Variants in PPARG observed in about 807,000 individuals in gnomAD.
The protein encoded by PPARG is peroxisome proliferator-activated receptor gamma.
PPARG carries 17 observed loss-of-function variants against 39.2 expected under a neutral mutation model. The observed-to-expected ratio is 0.43, with a 90% CI of 0.30 to 0.65. PPARG has a LOEUF of 0.65. Among genes scored for constraint, PPARG ranks in the 30% least tolerant of loss-of-function variants. PPARG has a pLI of 0.13. For missense variants in PPARG, 406 were observed against 585.9 expected (o/e 0.69, Z 3.17); for synonymous variants, 223 against 215.7 (o/e 1.03, Z -0.30).
intron 1 of PPARG, among the ~76,000 whole-genome samples, chr3:12,311,969 T>C (rs1677470572): frequency 6.6e-6 from 1 of 152,244 alleles, no homozygotes. Flanking sequence ...TCTCAAACAT[T>C]AACTTTCAGG....
Position 12,374,594 on chromosome 3 carries a change from A to G in PPARG, c.-8-5110A>G, listed in dbSNP as rs1020569475. ...AGCCTGGGTGACAGAGCGAGACTCC[A>G]CCAAAAACAAAAACAAAACAAAACA... is the stretch of plus-strand genomic sequence containing the variant. On this transcript the variant is annotated intron_variant, in intron 2 of 7. Transcript: ENST00000651735. Among the ~76,000 whole-genome samples, 6 of 152,230 alleles carry G rather than the reference A, an allele frequency of 3.9e-5. No individual in the cohort carries two copies. In the East Asian group the frequency reaches 9.7e-4, roughly 25 times the overall value.
chr3:12,290,576 C>T (rs2046624415), intron 1 of PPARG, among the ~76,000 whole-genome samples: 1 of 151,958 alleles, frequency 6.6e-6, no homozygotes, highest in African/African-American at 2.4e-5. Context: ...ATTCCTATGA[C>T]ATTTAAAATG....
intron 2 of PPARG, among the ~76,000 whole-genome samples, chr3:12,338,646 TG>T (rs1049751284): frequency 1.3e-5 from 2 of 152,340 alleles, no homozygotes; most frequent in Admixed American, 1.3e-4. Context: ...CATATACTTT[TG>T]GGGATTCAAC....
chr3:12,306,771 C>T (rs1328740584), intron 1 of PPARG, among the ~76,000 whole-genome samples: 2 of 152,172 alleles, frequency 1.3e-5, no homozygotes, highest in South Asian at 2.1e-4. Flanking sequence ...ATCACCAAAT[C>T]TTTATATTTA....
At chr3:12,306,881 G>A (rs936985657) in intron 1 of PPARG, among the ~76,000 whole-genome samples, 5 of 152,044 alleles carry the variant, frequency 3.3e-5, no homozygotes, top group East Asian at 1.9e-4. Context: ...GGTGGATCAC[G>A]AGGTCAGGAG....
chr3:12,316,626 G>A (rs1368179317), intron 2 of PPARG, among the ~76,000 whole-genome samples: 1 of 151,530 alleles, frequency 6.6e-6, no homozygotes. Context: ...AAAAAAAAAA[G>A]TAACAAGTCT....
At chr3:12,384,047 T>C (rs1276967606) in intron 4 of PPARG, among the ~76,000 whole-genome samples, 1 of 152,094 alleles carries the variant, frequency 6.6e-6, no homozygotes, top group East Asian at 1.9e-4. Flanking sequence ...CCATCCAAAA[T>C]GTGGATTCCA....
rs77689391 is a variant in PPARG, at chr3:12,412,820, A to G, written c.730-3884A>G. Among the ~76,000 whole-genome samples the G allele has an allele frequency of 2.0e-3, 297 of 152,292 alleles. 1 individual carries two copies. Among genetic ancestry groups the G allele is most frequent in the African/African-American group, 6.6e-3 (274 of 41,564 alleles). ...ATATTTTATGCCCCACAAAACCTGAATTCACCCCATCATGTCCCATTTGTA... is the reference window on the plus strand; with the variant it reads ...ATATTTTATGCCCCACAAAACCTGAGTTCACCCCATCATGTCCCATTTGTA... On this transcript the variant is annotated intron_variant, in intron 6 of 7. Transcript: ENST00000651735.
At chr3:12,347,662 A>T (rs2048366684) in intron 2 of PPARG, among the ~76,000 whole-genome samples, 1 of 152,210 alleles carries the variant, frequency 6.6e-6, no homozygotes, top group Admixed American at 6.5e-5. Context: ...GTTAGCAATT[A>T]TCTGGCTTCC....
chr3:12,414,880 C>T (rs1173360813), intron 6 of PPARG, among the ~76,000 whole-genome samples: 6 of 152,076 alleles, frequency 3.9e-5, no homozygotes, highest in Admixed American at 6.6e-5. Context: ...TTTTTGGTAA[C>T]AAAAGTAAAA....
chr3:12,397,883 C>T (rs913878537), intron 5 of PPARG, among the ~76,000 whole-genome samples: 5 of 152,072 alleles, frequency 3.3e-5, no homozygotes, highest in African/African-American at 1.2e-4. Context: ...TGGAGCCCAC[C>T]TCCTCTCCCC....
Position 12,433,948 on chromosome 3 carries a change from C to T in PPARG, c.1231C>T (p.Leu411=). Residue 411 remains leucine (L), a synonymous_variant, in exon 8 of 8, where the codon CTG becomes TTG. Transcript: ENST00000651735. The stretch of plus-strand genomic sequence containing the variant: ...GCCCATTGAAGACATTCAAGACAAC[C>T]TGCTACAAGCCCTGGAGCTCCAGCT... The part of the protein sequence containing the change: ...VKPIEDIQDN[L]LQALELQLKL... 6.2e-7 allele frequency: 1 copy of T among 1,614,240 alleles called. No individual in the cohort carries two copies. Among genetic ancestry groups the T allele is most frequent in the African/African-American group, 1.3e-5 (1 of 75,062 alleles).
intron 5 of PPARG, among the ~76,000 whole-genome samples, chr3:12,396,726 C>G (rs1156810149): frequency 1.3e-5 from 2 of 148,826 alleles, no homozygotes; most frequent in Non-Finnish European, 3.0e-5. Context: ...CCACTGCACT[C>G]CAGTCTGGGT....
chr3:12,394,317 G>A (rs889263608), intron 5 of PPARG, among the ~76,000 whole-genome samples: 4 of 152,170 alleles, frequency 2.6e-5, no homozygotes, highest in East Asian at 1.9e-4. Flanking sequence ...TACAGGCAGT[G>A]CATACATTGA....
intron 1 of PPARG, among the ~76,000 whole-genome samples, chr3:12,296,383 A>G (rs762323693): frequency 7.9e-5 from 12 of 151,828 alleles, no homozygotes; most frequent in Non-Finnish European, 1.8e-4. Context: ...ACCTCATCCC[A>G]GACCTGTGGT....
intron 5 of PPARG, among the ~76,000 whole-genome samples, chr3:12,405,628 C>T (rs571962181): frequency 4.6e-5 from 7 of 152,278 alleles, no homozygotes; most frequent in Admixed American, 2.0e-4. Context: ...TTGCTAAACT[C>T]GAATTCTTTC....
At chr3:12,330,158 G>C (rs554955305) in intron 2 of PPARG, among the ~76,000 whole-genome samples, 140 of 152,024 alleles carry the variant, frequency 9.2e-4, no homozygotes, top group Non-Finnish European at 1.9e-3. Flanking sequence ...ATATACCCAG[G>C]AGTGAAATGC....
At chr3:12,428,990 GT>G (rs2051555610) in intron 7 of PPARG, among the ~76,000 whole-genome samples, 1 of 151,952 alleles carries the variant, frequency 6.6e-6, no homozygotes, top group South Asian at 2.1e-4. Context: ...ATCTTAATCA[GT>G]TTGCCCAAGG....
chr3:12,409,297 A>G (rs1403287295), intron 6 of PPARG, among the ~76,000 whole-genome samples: 2 of 152,236 alleles, frequency 1.3e-5, no homozygotes, highest in Admixed American at 1.3e-4. Flanking sequence ...AATTAAAATA[A>G]TCCATTCACT....
Sources: allele counts gnomAD v4.1 joint callset (sites outside exome capture counted in the v4.1 genomes callset), GRCh38; gene constraint gnomAD v4.1.1; transcripts MANE v1.5; gene names NCBI Gene and HGNC (gene_info 2026-07-23, HGNC 2026-07-21).